The following SHISA9 variants were observed in gnomAD, a reference collection of about 807,000 sequenced individuals.
SHISA9 encodes the protein shisa family member 9.
In SHISA9, 13 loss-of-function variants were observed where a neutral mutation model predicts 38.0. The observed-to-expected ratio is 0.34, with a 90% CI of 0.22 to 0.54. The LOEUF (loss-of-function observed/expected upper bound fraction) is 0.54, where lower values mean the gene tolerates loss of function less well. Ranked by LOEUF, SHISA9 falls within the 20% of genes least tolerant of loss-of-function variation. The pLI, the probability that SHISA9 is intolerant of heterozygous loss-of-function variation, is 0.91. For missense variants in SHISA9, 538 were observed against 575.8 expected, an observed-to-expected ratio of 0.93 and a Z score of 0.67; for synonymous variants, 275 against 242.0, an observed-to-expected ratio of 1.14 and a Z score of -1.27.
intron 1 of SHISA9, among the ~76,000 whole-genome samples, chr16:12,913,060 TAAAAA>T (rs57070970): frequency 2.0e-5 from 3 of 151,186 alleles, no homozygotes; most frequent in Admixed American, 6.6e-5. Context: ...ATTTGTAACT[TAAAAA>T]AAAAGTATAC....
intron 2 of SHISA9, among the ~76,000 whole-genome samples, chr16:13,135,722 A>G (rs1023890564): frequency 5.3e-5 from 8 of 152,212 alleles, no homozygotes; most frequent in African/African-American, 1.4e-4. Context: ...TAATCATAAT[A>G]TAATTACTTG....
intron 2 of SHISA9, among the ~76,000 whole-genome samples, chr16:12,990,885 T>G (rs78136702): frequency 7.9e-4 from 121 of 152,356 alleles, no homozygotes; most frequent in African/African-American, 2.8e-3. Flanking sequence ...TATGGTTTTC[T>G]TGGGATTGAT....
rs760008300 is a variant in SHISA9 at position 13,213,213 on chromosome 16, C to T, written c.848-40C>T. On this transcript the variant is annotated intron_variant, in intron 3 of 4. Coordinates refer to ENST00000558583, the MANE Select transcript of SHISA9 (RefSeq NM_001145204.3). Reference sequence around the variant, plus strand: ...GGGCATAGTGAACATGGGTGCCCTGCAAACAGATCATCAGCATTTCTTGAT... The same window carrying T: ...GGGCATAGTGAACATGGGTGCCCTGTAAACAGATCATCAGCATTTCTTGAT... 2.2e-5 allele frequency: 34 copies of T among 1,544,828 alleles called. No individual in the cohort carries two copies. In the South Asian group the frequency reaches 3.3e-4, roughly 15 times the overall value.
chr16:12,942,484 C>A (rs1362195376), intron 2 of SHISA9, among the ~76,000 whole-genome samples: 2 of 152,210 alleles, frequency 1.3e-5, no homozygotes, highest in Non-Finnish European at 2.9e-5. Context: ...ATAACAGATG[C>A]TCTGAACAGC....
At chr16:12,948,500 G>A (rs1412024830) in intron 2 of SHISA9, among the ~76,000 whole-genome samples, 1 of 152,206 alleles carries the variant, frequency 6.6e-6, no homozygotes, top group African/African-American at 2.4e-5. Flanking sequence ...TGATTGAGTA[G>A]CTCACACACA....
the SHISA9 span, among the ~76,000 whole-genome samples, chr16:13,428,464 C>A: frequency 1.8e-3 from 280 of 152,280 alleles, 2 homozygotes; most frequent in Non-Finnish European, 1.6e-4. Flanking sequence ...TAGACACAAA[C>A]TCTAAGTGGA....
intron 2 of SHISA9, among the ~76,000 whole-genome samples, chr16:12,928,743 T>A (rs1696593363): frequency 1.3e-5 from 2 of 152,240 alleles, no homozygotes; most frequent in Non-Finnish European, 2.9e-5. Flanking sequence ...GTATTTACTT[T>A]CCTTTATTGA....
At chr16:13,425,223 G>A in the SHISA9 span, among the ~76,000 whole-genome samples, 2 of 152,382 alleles carry the variant, frequency 1.3e-5, no homozygotes, top group South Asian at 4.1e-4. Context: ...GCTGCGTGCG[G>A]TGGCTCACAC....
At chr16:12,981,774 T>C (rs1229790770) in intron 2 of SHISA9, among the ~76,000 whole-genome samples, 1 of 152,158 alleles carries the variant, frequency 6.6e-6, no homozygotes, top group Non-Finnish European at 1.5e-5. Flanking sequence ...TGAGGTCATA[T>C]GGGTGGACTC....
intron 2 of SHISA9, among the ~76,000 whole-genome samples, chr16:12,961,000 T>C (rs970054884): frequency 8.6e-5 from 13 of 150,782 alleles, no homozygotes; most frequent in African/African-American, 3.2e-4. Flanking sequence ...AGTGCAATCA[T>C]TTGTGTAATT....
the SHISA9 span, among the ~76,000 whole-genome samples, chr16:13,374,540 C>T: frequency 0.047 from 7,108 of 152,174 alleles, 357 homozygotes; most frequent in African/African-American, 0.13. Flanking sequence ...GTATATGTGC[C>T]ACATTTTCTT....
At chr16:13,044,681 A>G (rs964978732) in intron 2 of SHISA9, among the ~76,000 whole-genome samples, 7 of 152,198 alleles carry the variant, frequency 4.6e-5, no homozygotes, top group Non-Finnish European at 1.0e-4. Flanking sequence ...TATAGAATGT[A>G]TGAAGGCTCC....
At chr16:13,418,065 C>A in the SHISA9 span, among the ~76,000 whole-genome samples, 1 of 152,172 alleles carries the variant, frequency 6.6e-6, no homozygotes, top group Non-Finnish European at 1.5e-5. Context: ...CTTCATTCAA[C>A]AGACACCTGT....
chr16:13,556,074 C>A, the SHISA9 span, among the ~76,000 whole-genome samples: 1 of 152,182 alleles, frequency 6.6e-6, no homozygotes, highest in Non-Finnish European at 1.5e-5. Context: ...TTAGCCTAAC[C>A]AGACAAAGCC....
At chr16:13,052,295 T>C (rs2073261674) in intron 2 of SHISA9, among the ~76,000 whole-genome samples, 1 of 152,214 alleles carries the variant, frequency 6.6e-6, no homozygotes, top group Non-Finnish European at 1.5e-5. Flanking sequence ...TTTCTGAATA[T>C]GCTTCTAGCA....
Position 13,066,427 on chromosome 16 carries a change from T to G in SHISA9, c.692-136967T>G, listed in dbSNP as rs928483412. Among the ~76,000 whole-genome samples, 3 of 152,250 alleles carry G rather than the reference T, an allele frequency of 2.0e-5. No homozygotes were observed. In the East Asian group the frequency reaches 5.8e-4, roughly 29 times the overall value. ...GATATGTTTATTCATTTTCTGTCTCTTCTCTATAGAATATAAATTTCATAA... is the reference window on the plus strand; with the variant it reads ...GATATGTTTATTCATTTTCTGTCTCGTCTCTATAGAATATAAATTTCATAA... On this transcript the variant is annotated intron_variant, in intron 2 of 4. Coordinates refer to ENST00000558583, the MANE Select transcript of SHISA9 (RefSeq NM_001145204.3).
chr16:13,473,229 G>C, the SHISA9 span, among the ~76,000 whole-genome samples: 1 of 151,868 alleles, frequency 6.6e-6, no homozygotes, highest in East Asian at 1.9e-4. Context: ...GGCTGATTTG[G>C]GCTATTTTCC....
the SHISA9 span, among the ~76,000 whole-genome samples, chr16:13,557,323 A>T: frequency 2.0e-5 from 3 of 152,186 alleles, no homozygotes. Context: ...CCAAAAATAC[A>T]ATCTACAAAT....
intron 2 of SHISA9, among the ~76,000 whole-genome samples, chr16:13,101,605 A>C (rs116068408): frequency 9.8e-4 from 150 of 152,330 alleles, no homozygotes; most frequent in African/African-American, 3.5e-3. Context: ...GCTTTTGAAA[A>C]TCAAAATATT....
Sources: gnomAD v4.1 joint callset for allele counts (sites outside exome capture counted in the v4.1 genomes callset) on GRCh38, gnomAD v4.1.1 for gene constraint, MANE v1.5 for transcripts, NCBI Gene and HGNC (gene_info 2026-07-23, HGNC 2026-07-21) for gene names.